Variants in MAP3K5 observed in about 807,000 individuals in gnomAD.
MAP3K5 encodes the protein mitogen-activated protein kinase kinase kinase 5, also known as ASK-1.
In MAP3K5, 56 loss-of-function variants were observed where a neutral mutation model predicts 158.7. The observed-to-expected ratio is 0.35, with a 90% confidence interval of 0.28 to 0.44. The LOEUF is 0.44. Among genes scored for constraint, MAP3K5 ranks in the 20% least tolerant of loss-of-function variants. The pLI is 1.00. For synonymous variants in MAP3K5, 579 were observed against 601.7 expected (o/e 0.96, Z 0.55); for missense variants, 1,294 against 1,674.8 (o/e 0.77, Z 3.97).
chr6:136,693,496 C>T (rs1157906197), intron 7 of MAP3K5, among the ~76,000 whole-genome samples: 1 of 152,072 alleles, frequency 6.6e-6, no homozygotes, highest in Non-Finnish European at 1.5e-5. Flanking sequence ...TTCTCATCTA[C>T]AAACTCGGTA....
intron 10 of MAP3K5, among the ~76,000 whole-genome samples, chr6:136,653,046 A>G (rs1195280171): frequency 6.6e-6 from 1 of 152,218 alleles, no homozygotes; most frequent in Non-Finnish European, 1.5e-5. Flanking sequence ...ATCTGAATCA[A>G]AAAGGAAGAC....
Position 136,749,316 on chromosome 6 carries a change from T to C in MAP3K5, c.449-28727A>G, listed in dbSNP as rs556630710. 6.7e-5 allele frequency among the ~76,000 whole-genome samples: 10 copies of C among 148,496 alleles called. No homozygotes were observed. The South Asian group carries it at 2.1e-3, about 31-fold the overall frequency. On this transcript the variant is annotated intron_variant, in intron 1 of 29. Transcript: ENST00000359015. ...TGAACCTGAGAGGCAGAGGTTGCAG[T>C]GAGCCAAGATCATGCTACTGCACTC...
intron 9 of MAP3K5, among the ~76,000 whole-genome samples, chr6:136,657,062 C>T (rs1583358099): frequency 6.6e-6 from 1 of 152,258 alleles, no homozygotes; most frequent in African/African-American, 2.4e-5. Flanking sequence ...AAAACTTGAA[C>T]TTTAAAATGT....
intron 7 of MAP3K5, among the ~76,000 whole-genome samples, chr6:136,679,008 G>C (rs757699540): frequency 1.6e-4 from 25 of 151,762 alleles, no homozygotes; most frequent in Non-Finnish European, 5.9e-5. Context: ...TTACAGGCAT[G>C]AGCCACTGCA....
chr6:136,616,854 G>A (rs905903857), intron 15 of MAP3K5, among the ~76,000 whole-genome samples: 2 of 151,804 alleles, frequency 1.3e-5, no homozygotes, highest in South Asian at 2.1e-4. Context: ...TCAGCCTCCC[G>A]AGTAGCTGTG....
chr6:136,723,718 T>A (rs1434881547), intron 1 of MAP3K5, among the ~76,000 whole-genome samples: 1 of 152,180 alleles, frequency 6.6e-6, no homozygotes, highest in Non-Finnish European at 1.5e-5. Context: ...CTAATGAGCA[T>A]GAAATTAGCA....
At chr6:136,785,711 C>G (rs886476481) in intron 1 of MAP3K5, among the ~76,000 whole-genome samples, 2 of 152,196 alleles carry the variant, frequency 1.3e-5, no homozygotes, top group Admixed American at 6.6e-5. Flanking sequence ...CCTTTGTCCC[C>G]TTCCTCACCA....
chr6:136,724,145 T>C (rs1781858074), intron 1 of MAP3K5, among the ~76,000 whole-genome samples: 1 of 151,248 alleles, frequency 6.6e-6, no homozygotes, highest in African/African-American at 2.4e-5. Context: ...GTTAAAGTAA[T>C]GAAAGGAGGG....
intron 14 of MAP3K5, chr6:136,637,113 T>C (rs1391876085): frequency 1.4e-5 from 20 of 1,402,138 alleles, no homozygotes; most frequent in Non-Finnish European, 1.0e-5. Context: ...GTAAGTAAAA[T>C]GCTAACGCTT....
chr6:136,586,936 TG>T (rs1775165871), intron 23 of MAP3K5, among the ~76,000 whole-genome samples: 2 of 152,248 alleles, frequency 1.3e-5, no homozygotes, highest in South Asian at 4.1e-4. Flanking sequence ...GAACTCAGAC[TG>T]GCTCTCCATG....
intron 26 of MAP3K5, among the ~76,000 whole-genome samples, chr6:136,562,877 A>G (rs1830580361): frequency 1.6e-5 from 2 of 128,106 alleles, no homozygotes; most frequent in Admixed American, 1.9e-4. Context: ...GAGTCTTGCT[A>G]TGTTGTCCAA....
At chr6:136,751,972 T>TG (rs1783230051) in intron 1 of MAP3K5, among the ~76,000 whole-genome samples, 1 of 152,220 alleles carries the variant, frequency 6.6e-6, no homozygotes, top group Admixed American at 6.5e-5. Context: ...GAAACATCTC[T>TG]GGTATTATTT....
At chr6:136,650,350 T>C (rs1325704120) in intron 11 of MAP3K5, among the ~76,000 whole-genome samples, 10 of 152,236 alleles carry the variant, frequency 6.6e-5, no homozygotes, top group African/African-American at 2.4e-4. Flanking sequence ...AAAATGTCTG[T>C]TTGTAAAAAA....
intron 1 of MAP3K5, among the ~76,000 whole-genome samples, chr6:136,737,869 C>G (rs1782542445): frequency 6.6e-6 from 1 of 152,136 alleles, no homozygotes; most frequent in Non-Finnish European, 1.5e-5. Flanking sequence ...CTGATTCTTA[C>G]AGGAGTAATG....
At position 136,561,612 on chromosome 6, in the gene MAP3K5, G is replaced by A; in HGVS notation, c.3908C>T (p.Ser1303Phe). 6.2e-7 allele frequency: 1 copy of A among 1,613,036 alleles called. No homozygotes were observed. The highest frequency in any genetic ancestry group is 8.5e-7 in the Non-Finnish European group (1 of 1,179,022). Residue 1303 changes from serine to phenylalanine, a missense_variant, in exon 28 of 30, where the codon TCT (serine) becomes TTT (phenylalanine). Coordinates refer to ENST00000359015, the MANE Select transcript of MAP3K5 (RefSeq NM_005923.4). The stretch of plus-strand genomic sequence containing the variant: ...AGAATCTTCAGTATTTGTGCCAGAA[G>A]AATTTAGATGAAATACAGGCAATTC... ...IPELPVFHLNSSGTNTEDSEL... is the reference protein window; with the variant it reads ...IPELPVFHLNFSGTNTEDSEL...
chr6:136,684,228 T>A (rs542503394), intron 7 of MAP3K5, among the ~76,000 whole-genome samples: 67 of 148,944 alleles, frequency 4.5e-4, no homozygotes, highest in East Asian at 1.6e-3. Context: ...ATTTTTTTTT[T>A]AAAAAAAAAA....
At position 136,791,979 on chromosome 6, in the gene MAP3K5, G is replaced by T; in HGVS notation, c.179C>A (p.Ala60Asp). The T allele has an allele frequency of 6.2e-7, 1 of 1,607,716 alleles. No individual in the cohort carries two copies. Among genetic ancestry groups the T allele is most frequent in the Non-Finnish European group, 8.5e-7 (1 of 1,178,048 alleles). The change falls in exon 1 of 30, where the codon GCC (alanine) becomes GAC (aspartate). Residue 60 changes from alanine to aspartate, a missense_variant. By Grantham distance (126) the Ala-to-Asp change is moderately radical (BLOSUM62 -2). This residue lies in a region of MAP3K5 where 690 missense variants were observed against 870.5 expected (regional missense o/e 0.79). Transcript: ENST00000359015. ...PPGSFWNVESAAAPGIGCPAA... is the reference protein window; with the variant it reads ...PPGSFWNVESDAAPGIGCPAA... ...CGGACAACCGATGCCAGGGGCAGCG[G>T]CGCTCTCCACGTTCCAGAAGCTGCC...
At chr6:136,693,326 T>C (rs1419337610) in intron 7 of MAP3K5, among the ~76,000 whole-genome samples, 1 of 152,160 alleles carries the variant, frequency 6.6e-6, no homozygotes, top group African/African-American at 2.4e-5. Context: ...TTATAATGAG[T>C]CTTGTTAACT....
intron 1 of MAP3K5, among the ~76,000 whole-genome samples, chr6:136,740,333 T>C (rs1341217844): frequency 6.6e-6 from 1 of 152,252 alleles, no homozygotes; most frequent in African/African-American, 2.4e-5. Flanking sequence ...TTTTCCTTTT[T>C]TGGAATCTAC....
Sources: gnomAD v4.1 joint callset for allele counts (sites outside exome capture counted in the v4.1 genomes callset) on GRCh38, gnomAD v4.1.1 for gene constraint, gnomAD v4.1.1 regional missense constraint, MANE v1.5 for transcripts, NCBI Gene and HGNC (gene_info 2026-07-23, HGNC 2026-07-21) for gene names.